The following ARHGAP26 variants were observed in gnomAD, a reference collection of about 807,000 sequenced individuals.
The protein encoded by ARHGAP26 is rho GTPase-activating protein 26.
In ARHGAP26, 38 loss-of-function variants were observed where a neutral mutation model predicts 104.8. The observed-to-expected ratio is 0.36, with a 90% CI of 0.28 to 0.48. ARHGAP26 has a LOEUF of 0.48. Among genes scored for constraint, ARHGAP26 ranks in the 20% least tolerant of loss-of-function variants. The pLI is 0.99. For missense variants in ARHGAP26, 704 were observed against 947.9 expected (o/e 0.74, Z 3.38); for synonymous variants, 341 against 340.0 (o/e 1.00, Z -0.03).
intron 17 of ARHGAP26, among the ~76,000 whole-genome samples, chr5:143,084,574 G>A (rs1004488553): frequency 2.0e-5 from 3 of 152,158 alleles, no homozygotes; most frequent in Non-Finnish European, 4.4e-5. Context: ...TACTTACAGG[G>A]AACTCTGCCC....
chr5:143,206,836 C>G (rs894461262), intron 20 of ARHGAP26, among the ~76,000 whole-genome samples: 1 of 152,340 alleles, frequency 6.6e-6, no homozygotes, highest in South Asian at 2.1e-4. Context: ...GCTGAAGGCT[C>G]GCTATAAGCT....
At chr5:142,955,905 C>G (rs563481081) in intron 11 of ARHGAP26, among the ~76,000 whole-genome samples, 16 of 152,338 alleles carry the variant, frequency 1.1e-4, no homozygotes, top group African/African-American at 3.6e-4. Flanking sequence ...CTTGGCTTTA[C>G]TCCCTCAGAA....
chr5:143,125,880 G>A lies in ARHGAP26; in HGVS notation c.1698+4733G>A, dbSNP rs1265609423. 2.6e-5 allele frequency among the ~76,000 whole-genome samples: 4 copies of A among 152,126 alleles called. No individual in the cohort carries two copies. The South Asian group carries it at 6.2e-4, about 24-fold the overall frequency. ...TTTTTACAAATTATAAGCCTGAAGTGCAGACACTTTAAGAAGCAGCTGATT... is the reference window on the plus strand; with the variant it reads ...TTTTTACAAATTATAAGCCTGAAGTACAGACACTTTAAGAAGCAGCTGATT... On this transcript the variant is annotated intron_variant, in intron 18 of 22. Transcript: ENST00000645722.
intron 5 of ARHGAP26, among the ~76,000 whole-genome samples, chr5:142,886,505 C>T (rs188269453): frequency 4.0e-4 from 61 of 152,306 alleles, no homozygotes; most frequent in Middle Eastern, 6.8e-3. Context: ...GTAGCAGCAA[C>T]AAAGGTTTAT....
chr5:142,986,540 T>G (rs1384682718), intron 11 of ARHGAP26, among the ~76,000 whole-genome samples: 1 of 152,232 alleles, frequency 6.6e-6, no homozygotes, highest in Non-Finnish European at 1.5e-5. Context: ...TGGCTTTTGT[T>G]GCTATTGCTT....
chr5:143,032,849 G>A (rs1254087395), intron 12 of ARHGAP26, among the ~76,000 whole-genome samples: 1 of 152,220 alleles, frequency 6.6e-6, no homozygotes, highest in Non-Finnish European at 1.5e-5. Context: ...ATGCACATGT[G>A]TGTGTGTGAA....
intron 1 of ARHGAP26, among the ~76,000 whole-genome samples, chr5:142,870,332 T>G (rs1230648190): frequency 6.6e-6 from 1 of 152,190 alleles, no homozygotes; most frequent in African/African-American, 2.4e-5. Context: ...CCACCAATCT[T>G]ACTGGATTGA....
At position 143,047,676 on chromosome 5, in the gene ARHGAP26, A is replaced by T. The variant is rs191490858; in HGVS notation, c.1285+5786A>T. Among the ~76,000 whole-genome samples, 28 of 152,212 alleles carry T rather than the reference A, an allele frequency of 1.8e-4. No individual in the cohort carries two copies. The East Asian group carries it at 5.4e-3, about 29-fold the overall frequency. Reference sequence around the variant, plus strand: ...TTTTTAAATGTATCTTTTTAAATTTAATTTTGCATTTCTGTAATTTTGGGT... The same window carrying T: ...TTTTTAAATGTATCTTTTTAAATTTTATTTTGCATTTCTGTAATTTTGGGT... On this transcript the variant is annotated intron_variant, in intron 14 of 22. Transcript: ENST00000645722.
intron 17 of ARHGAP26, among the ~76,000 whole-genome samples, chr5:143,118,814 A>G (rs1795791327): frequency 6.6e-6 from 1 of 151,992 alleles, no homozygotes; most frequent in African/African-American, 2.4e-5. Context: ...GGGGAGGGAT[A>G]GCATTAGGAG....
At chr5:143,180,757 T>C (rs1804217675) in intron 20 of ARHGAP26, among the ~76,000 whole-genome samples, 1 of 151,982 alleles carries the variant, frequency 6.6e-6, no homozygotes, top group African/African-American at 2.4e-5. Flanking sequence ...CCCACCAGTC[T>C]CTCCCTAGAC....
intron 1 of ARHGAP26, among the ~76,000 whole-genome samples, chr5:142,812,806 G>A (rs764312173): frequency 3.3e-5 from 5 of 152,188 alleles, no homozygotes; most frequent in Non-Finnish European, 7.4e-5. Context: ...CTGAGTCTTT[G>A]GAGTTGAGGG....
intron 11 of ARHGAP26, among the ~76,000 whole-genome samples, chr5:143,011,188 G>A (rs962202464): frequency 6.6e-6 from 1 of 151,736 alleles, no homozygotes; most frequent in African/African-American, 2.4e-5. Flanking sequence ...TGTACTTTCT[G>A]TTGGCACTAG....
chr5:142,987,000 C>G (rs1419284864), intron 11 of ARHGAP26, among the ~76,000 whole-genome samples: 1 of 152,048 alleles, frequency 6.6e-6, no homozygotes, highest in Non-Finnish European at 1.5e-5. Context: ...TTTTTTGGTT[C>G]CATATGAACT....
chr5:142,797,166 CT>C (rs1172782634), intron 1 of ARHGAP26, among the ~76,000 whole-genome samples: 1 of 152,166 alleles, frequency 6.6e-6, no homozygotes, highest in African/African-American at 2.4e-5. Flanking sequence ...GGATATACCT[CT>C]AAGAGCATTG....
At chr5:142,964,148 C>A (rs1770864781) in intron 11 of ARHGAP26, among the ~76,000 whole-genome samples, 1 of 152,070 alleles carries the variant, frequency 6.6e-6, no homozygotes, top group South Asian at 2.1e-4. Flanking sequence ...TGAAGTAAGA[C>A]ATATGATATT....
At chr5:143,069,703 C>T (rs1264550354) in intron 17 of ARHGAP26, among the ~76,000 whole-genome samples, 1 of 152,150 alleles carries the variant, frequency 6.6e-6, no homozygotes, top group South Asian at 2.1e-4. Context: ...TGCTGAAATT[C>T]AGTTTTTTGC....
chr5:142,989,800 G>C (rs956314612), intron 11 of ARHGAP26, among the ~76,000 whole-genome samples: 3 of 152,202 alleles, frequency 2.0e-5, no homozygotes, highest in Non-Finnish European at 4.4e-5. Context: ...CTTCTGACTT[G>C]TAGAGTTTCT....
Position 143,227,788 on chromosome 5 carries a change from G to C in ARHGAP26, c.*5342G>C, listed in dbSNP as rs933437193. 2 of 223,538 alleles carry C rather than the reference G, an allele frequency of 8.9e-6. No homozygotes were observed. Among genetic ancestry groups the C allele is most frequent in the Admixed American group, 1.1e-4 (2 of 17,410 alleles). The allele number at this position is 223,538 out of a possible 1,614,324, so 13.8% of individuals were successfully genotyped here. ...AAGTAACACCAGGACTAGAGAGAAA[G>C]AGAAAGGTGAACCATCCTAAGGAGC... On this transcript the variant is annotated 3_prime_UTR_variant, in exon 23 of 23. Transcript: ENST00000645722.
chr5:143,049,388 C>T (rs1008225598), intron 14 of ARHGAP26, among the ~76,000 whole-genome samples: 5 of 152,042 alleles, frequency 3.3e-5, no homozygotes, highest in African/African-American at 1.2e-4. Context: ...TTTCCAATGT[C>T]TTTATTATCT....
Sources: allele counts gnomAD v4.1 joint callset (sites outside exome capture counted in the v4.1 genomes callset), GRCh38; gene constraint gnomAD v4.1.1; transcripts MANE v1.5; gene names NCBI Gene and HGNC (gene_info 2026-07-23, HGNC 2026-07-21).